BRD4: variants seen among roughly 807,000 people sequenced by gnomAD.
BRD4 encodes bromodomain-containing protein 4.
In BRD4, 16 loss-of-function variants were observed where a neutral mutation model predicts 142.1. The ratio of observed to expected loss-of-function variants is 0.11; its 90% confidence interval spans 0.08 to 0.17. BRD4 has a LOEUF of 0.17. Ranked by LOEUF, BRD4 falls within the 10% of genes least tolerant of loss-of-function variation. The pLI, the probability that BRD4 is intolerant of heterozygous loss-of-function variation, is 1.00. For synonymous variants in BRD4, 833 were observed against 707.5 expected (o/e 1.18, Z -2.82); for missense variants, 1,424 against 1,810.9 (o/e 0.79, Z 3.88).
intron 11 of BRD4, chr19:15,253,324 G>C (rs528488100): frequency 5.2e-6 from 3 of 577,422 alleles, no homozygotes; most frequent in African/African-American, 3.8e-5. Context: ...GCGCCCCTGA[G>C]AATAATGAGG....
intron 1 of BRD4, among the ~76,000 whole-genome samples, chr19:15,305,991 C>T (rs1157212259): frequency 2.0e-5 from 3 of 152,202 alleles, no homozygotes; most frequent in Non-Finnish European, 1.5e-5. Flanking sequence ...TCAAACTTTT[C>T]TTCTGCAGCT....
intron 10 of BRD4, among the ~76,000 whole-genome samples, chr19:15,254,573 A>G (rs1232465775): frequency 6.6e-6 from 1 of 152,208 alleles, no homozygotes; most frequent in Admixed American, 6.5e-5. Flanking sequence ...ACCGCTGGGC[A>G]TAAGGCTTGG....
At chr19:15,307,334 G>A (rs2047923045) in intron 1 of BRD4, among the ~76,000 whole-genome samples, 1 of 152,154 alleles carries the variant, frequency 6.6e-6, no homozygotes, top group African/African-American at 2.4e-5. Flanking sequence ...ACAGGTGGAT[G>A]GAGTGCTTCT....
At chr19:15,242,295 G>C (rs146432178) in intron 14 of BRD4, among the ~76,000 whole-genome samples, 2 of 152,284 alleles carry the variant, frequency 1.3e-5, no homozygotes, top group East Asian at 3.9e-4. Flanking sequence ...TCCCCTGCCG[G>C]AGCCAGCCAG....
At chr19:15,269,562 A>G (rs959633999) in intron 2 of BRD4, among the ~76,000 whole-genome samples, 21 of 152,160 alleles carry the variant, frequency 1.4e-4, no homozygotes, top group African/African-American at 4.6e-4. Flanking sequence ...GCTGCGGAGC[A>G]TAAGTTTCCA....
rs1305311514 is a variant in BRD4 at position 15,255,576 on chromosome 19, G to A, written c.1768C>T (p.Pro590Ser). 1.9e-5 allele frequency: 30 copies of A among 1,605,160 alleles called. No homozygotes were observed. The highest frequency in any genetic ancestry group is 2.6e-5 in the Non-Finnish European group (30 of 1,172,918). ...NSNVSKKEPA[P>S]MKSKPPPTYE... The stretch of plus-strand genomic sequence containing the variant: ...GTGGGAGGGGGCTTGCTCTTCATGG[G>A]CGCTGGCTCCTTCTTGCTACGAAGG... The change falls in exon 10 of 20, where the codon CCC becomes TCC. Residue 590 changes from proline to serine, a missense_variant. Physicochemically the swap from Pro to Ser is moderately conservative, Grantham distance 74. Coordinates refer to ENST00000679869, the MANE Select transcript of BRD4 (RefSeq NM_001379291.1).
chr19:15,282,952 T>G (rs2047715896), intron 1 of BRD4, among the ~76,000 whole-genome samples: 1 of 152,068 alleles, frequency 6.6e-6, no homozygotes, highest in Non-Finnish European at 1.5e-5. Context: ...GGCGACAGAG[T>G]AAGACTCTGT....
intron 9 of BRD4, 152 bp downstream of exon 9, chr19:15,255,912 G>T: frequency 2.1e-6 from 2 of 975,108 alleles, no homozygotes; most frequent in Non-Finnish European, 3.1e-6. Flanking sequence ...AGTCCTGTGT[G>T]CAAGTGGCCA....
chr19:15,266,460 G>A (rs1321719800), intron 4 of BRD4, among the ~76,000 whole-genome samples: 1 of 152,162 alleles, frequency 6.6e-6, no homozygotes, highest in Non-Finnish European at 1.5e-5. Context: ...CAACTCCTGG[G>A]CTTCTCCCAG....
In BRD4 at chr19:15,265,378, G is replaced by A. The variant is rs773346329; in HGVS notation, c.825C>T (p.Ile275=). The change falls in exon 5 of 20, where the codon ATC becomes ATT. Residue 275 remains isoleucine (I), a synonymous_variant. Coordinates refer to ENST00000679869, the MANE Select transcript of BRD4 (RefSeq NM_001379291.1). ...PQPVQSHPPI[I]AATPQPVKTK... is the part of the protein sequence containing the mutation. ...CCTTCACAGGCTGTGGGGTGGCCGC[G>A]ATGATGGGTGGGTGGCTCTGTACGG... 4.9e-5 allele frequency: 74 copies of A among 1,513,530 alleles called. No homozygotes were observed. Among genetic ancestry groups the A allele is most frequent in the Non-Finnish European group, 6.4e-5 (73 of 1,133,876 alleles). 93.8% of individuals were successfully genotyped at this position (1,513,530 alleles called of 1,614,324 possible).
chr19:15,271,340 G>A (rs1599472053), intron 2 of BRD4, among the ~76,000 whole-genome samples: 1 of 152,226 alleles, frequency 6.6e-6, no homozygotes, highest in East Asian at 1.9e-4. Flanking sequence ...TCACACCGTC[G>A]CAATCTGGTT....
intron 11 of BRD4, chr19:15,247,664 C>T (rs1274490102): frequency 8.6e-6 from 2 of 233,072 alleles, no homozygotes; most frequent in African/African-American, 4.4e-5. Flanking sequence ...AAGACAATGC[C>T]AGCAGCTCCC....
At chr19:15,260,434 A>C (rs1170872334) in intron 7 of BRD4, among the ~76,000 whole-genome samples, 2 of 152,174 alleles carry the variant, frequency 1.3e-5, no homozygotes, top group Non-Finnish European at 2.9e-5. Flanking sequence ...GAAGTAAGAA[A>C]AACAAAGCCT....
chr19:15,326,858 T>C (rs2048112571), intron 1 of BRD4, among the ~76,000 whole-genome samples: 1 of 152,184 alleles, frequency 6.6e-6, no homozygotes, highest in Admixed American at 6.5e-5. Flanking sequence ...TTAATTGAGG[T>C]TGGTAGCCTG....
In BRD4 at chr19:15,236,663, T is replaced by C. The variant is rs2047194219; in HGVS notation, c.*1714A>G. ...GCGTCACAGCTTCAGCTTGGGGTGG[T>C]TGCTATGAGTCTGCGTGGCTCCCGC... On this transcript the variant is annotated 3_prime_UTR_variant, in exon 20 of 20. Coordinates refer to ENST00000679869, the MANE Select transcript of BRD4 (RefSeq NM_001379291.1). 1 of 163,174 alleles carries C rather than the reference T, an allele frequency of 6.1e-6. No homozygotes were observed. Among genetic ancestry groups the C allele is most frequent in the Non-Finnish European group, 1.3e-5 (1 of 74,518 alleles). 10.1% of individuals were successfully genotyped at this position (163,174 alleles called of 1,614,324 possible).
At chr19:15,262,735 C>CA (rs1026714246) in intron 7 of BRD4, among the ~76,000 whole-genome samples, 26 of 151,132 alleles carry the variant, frequency 1.7e-4, no homozygotes, top group East Asian at 3.9e-4. Flanking sequence ...ATAATTAAAA[C>CA]AAAAAAAATA....
rs761716135 is a variant in BRD4 at position 15,253,697 on chromosome 19, G to T, written c.2158+455C>A. The T allele has an allele frequency of 1.7e-5, 27 of 1,598,432 alleles. 1 individual carries two copies. The South Asian group carries it at 2.2e-4, about 13-fold the overall frequency. On this transcript the variant is annotated intron_variant, in intron 11 of 19. Transcript: ENST00000679869. ...TGCTCCACATCCACCAGAAACCAGC[G>T]AAGCATCTCCCTGAAGCGGCCGCAC...
intron 1 of BRD4, among the ~76,000 whole-genome samples, chr19:15,311,877 C>G (rs1308054395): frequency 6.6e-6 from 1 of 152,114 alleles, no homozygotes; most frequent in Non-Finnish European, 1.5e-5. Context: ...CTATGGTAGT[C>G]AAACTCATAG....
chr19:15,299,119 T>C (rs759307519), intron 1 of BRD4, among the ~76,000 whole-genome samples: 1 of 152,146 alleles, frequency 6.6e-6, no homozygotes, highest in Admixed American at 6.5e-5. Context: ...TTTGTAGAAA[T>C]AGGCAGTGTC....
Sources: gnomAD v4.1 joint callset for allele counts (sites outside exome capture counted in the v4.1 genomes callset) on GRCh38, gnomAD v4.1.1 for gene constraint, MANE v1.5 for transcripts, NCBI Gene and HGNC (gene_info 2026-07-23, HGNC 2026-07-21) for gene names.